ULK2: variants seen among roughly 807,000 people sequenced by gnomAD.
ULK2 encodes the protein serine/threonine-protein kinase ULK2.
ULK2 carries 76 observed loss-of-function variants against 127.5 expected under a neutral mutation model. The observed-to-expected ratio is 0.60, with a 90% CI of 0.50 to 0.72. The LOEUF (loss-of-function observed/expected upper bound fraction) is 0.72. Among genes scored for constraint, ULK2 ranks in the 30% least tolerant of loss-of-function variants. ULK2 has a pLI of 0.00. For synonymous variants in ULK2, 452 were observed against 461.9 expected, an observed-to-expected ratio of 0.98 and a Z score of 0.28; for missense variants, 1,144 against 1,295.9, an observed-to-expected ratio of 0.88 and a Z score of 1.80.
At chr17:19,817,028 G>A (rs555566915) in intron 12 of ULK2, 108 bp from the exon 13 acceptor site, 6 of 955,604 alleles carry the variant, frequency 6.3e-6, no homozygotes, top group Middle Eastern at 3.0e-4. Context: ...TGGGCATGAA[G>A]TCCAATTCCA....
chr17:19,816,925 A>C lies in ULK2; in HGVS notation c.925-5T>G. 4 of 1,594,430 alleles carry C rather than the reference A, an allele frequency of 2.5e-6. No homozygotes were observed. Among genetic ancestry groups the C allele is most frequent in the Non-Finnish European group, 3.4e-6 (4 of 1,174,252 alleles). The stretch of plus-strand genomic sequence containing the variant: ...ATGCTGCATATCTGGAAGGGACTAA[A>C]ATTAACAACATAAAATTAAAACTGG... On this transcript the variant is annotated splice_region_variant and splice_polypyrimidine_tract_variant and intron_variant, in intron 12 of 26. Transcript: ENST00000395544.
chr17:19,829,245 G>A lies in ULK2; in HGVS notation c.788-3059C>T, dbSNP rs764512118. Among the ~76,000 whole-genome samples, 6 of 152,042 alleles carry A rather than the reference G, an allele frequency of 3.9e-5. No homozygotes were observed. In the South Asian group the frequency reaches 6.2e-4, roughly 16 times the overall value. On this transcript the variant is annotated intron_variant, in intron 10 of 26. Transcript: ENST00000395544. ...AACTGTTATAAAAGACAAAAAGTACGTTAAATAAGGCCAAGTACACTGGCT... is the reference window on the plus strand; with the variant it reads ...AACTGTTATAAAAGACAAAAAGTACATTAAATAAGGCCAAGTACACTGGCT...
At chr17:19,783,987 CT>C in intron 21 of ULK2, 82 bp from the exon 22 acceptor site, 1 of 1,231,804 alleles carries the variant, frequency 8.1e-7, no homozygotes, top group Non-Finnish European at 1.0e-6. Flanking sequence ...CTAAACAAAC[CT>C]GCTGAGGTGA....
intron 12 of ULK2, among the ~76,000 whole-genome samples, chr17:19,822,462 A>G (rs763676961): frequency 6.6e-6 from 1 of 151,072 alleles, no homozygotes; most frequent in Non-Finnish European, 1.5e-5. Flanking sequence ...CCTGGGTTCA[A>G]GTGATTCTAC....
At chr17:19,862,024 C>T (rs1040940038) in intron 3 of ULK2, among the ~76,000 whole-genome samples, 2 of 152,000 alleles carry the variant, frequency 1.3e-5, no homozygotes, top group Non-Finnish European at 2.9e-5. Flanking sequence ...GTTAAATAAT[C>T]AAAAATATGT....
intron 10 of ULK2, among the ~76,000 whole-genome samples, chr17:19,834,512 A>C (rs1233351294): frequency 6.6e-6 from 1 of 152,054 alleles, no homozygotes; most frequent in Non-Finnish European, 1.5e-5. Context: ...CCAAACAAAA[A>C]AGAGATACAA....
intron 3 of ULK2, among the ~76,000 whole-genome samples, chr17:19,856,848 G>A (rs2042140864): frequency 1.3e-5 from 2 of 150,850 alleles, no homozygotes; most frequent in African/African-American, 4.9e-5. Flanking sequence ...ATGGTGGTAG[G>A]CGCCTGTAGT....
At chr17:19,835,341 A>G (rs2041566304) in intron 10 of ULK2, among the ~76,000 whole-genome samples, 1 of 150,732 alleles carries the variant, frequency 6.6e-6, no homozygotes, top group Non-Finnish European at 1.5e-5. Context: ...CAGCCTCCCA[A>G]AGTGCTGGGC....
intron 15 of ULK2, among the ~76,000 whole-genome samples, chr17:19,803,921 A>T (rs1418601630): frequency 6.6e-6 from 1 of 152,170 alleles, no homozygotes; most frequent in Non-Finnish European, 1.5e-5. Context: ...GTGCTCTGAG[A>T]TTTAGGTCTC....
chr17:19,777,297 G>T (rs1164650818), intron 26 of ULK2, among the ~76,000 whole-genome samples: 1 of 152,180 alleles, frequency 6.6e-6, no homozygotes, highest in Non-Finnish European at 1.5e-5. Flanking sequence ...TAAAGACGGG[G>T]TTTCGCTATG....
intron 24 of ULK2, 50 bp downstream of exon 24, chr17:19,780,936 G>C (rs2086904867): frequency 2.6e-6 from 4 of 1,533,906 alleles, no homozygotes; most frequent in South Asian, 1.1e-5. Context: ...TGATGGGAAA[G>C]AGCAACTTAA....
At chr17:19,798,468 A>C (rs751585810) in intron 17 of ULK2, among the ~76,000 whole-genome samples, 19 of 152,206 alleles carry the variant, frequency 1.2e-4, no homozygotes, top group Non-Finnish European at 1.8e-4. Flanking sequence ...CTTAGAAGCC[A>C]AACTAGCAAG....
rs567738920 is a variant in ULK2 at position 19,867,494 on chromosome 17, G to C, written c.-77C>G. 4 of 1,158,640 alleles carry C rather than the reference G, an allele frequency of 3.5e-6. No homozygotes were observed. Among genetic ancestry groups the C allele is most frequent in the Non-Finnish European group, 4.6e-6 (4 of 877,770 alleles). 71.8% of individuals were successfully genotyped at this position (1,158,640 alleles called of 1,614,324 possible). A position where few individuals can be genotyped will look rare whatever the true frequency, so the allele number is the denominator to read the frequency against. ...AGGTATCAGCACCGCGGCTCCGCGGGCCCGGAGCGCGCCAGCGTGCGGCGG... is the reference window on the plus strand; with the variant it reads ...AGGTATCAGCACCGCGGCTCCGCGGCCCCGGAGCGCGCCAGCGTGCGGCGG... On this transcript the variant is annotated 5_prime_UTR_variant, in exon 1 of 27. Coordinates refer to ENST00000395544, the MANE Select transcript of ULK2 (RefSeq NM_014683.4).
At chr17:19,798,382 TC>T (rs970397022) in intron 17 of ULK2, among the ~76,000 whole-genome samples, 1 of 152,254 alleles carries the variant, frequency 6.6e-6, no homozygotes, top group African/African-American at 2.4e-5. Flanking sequence ...GATCCCTGTT[TC>T]CCCCCTACAA....
chr17:19,867,450 G>C lies in ULK2; in HGVS notation c.-33C>G, dbSNP rs557926196. On this transcript the variant is annotated 5_prime_UTR_variant, in exon 1 of 27. Transcript: ENST00000395544. Reference sequence around the variant, plus strand: ...CCCCCGGGGCACACAGCGGACGGGCGGGCGGCGCAGTGCGGCGCAGGTATC... The same window carrying C: ...CCCCCGGGGCACACAGCGGACGGGCCGGCGGCGCAGTGCGGCGCAGGTATC... 3 of 1,569,960 alleles carry C rather than the reference G, an allele frequency of 1.9e-6. 1 individual carries two copies. Among genetic ancestry groups the C allele is most frequent in the Middle Eastern group, 3.4e-4 (2 of 5,910 alleles).
chr17:19,799,370 A>G, intron 17 of ULK2, 125 bp downstream of exon 17: 1 of 805,462 alleles, frequency 1.2e-6, no homozygotes, highest in Non-Finnish European at 1.8e-6. Flanking sequence ...CCAAGATTCT[A>G]AAAATCAGGA....
intron 10 of ULK2, among the ~76,000 whole-genome samples, chr17:19,829,764 A>G (rs959809649): frequency 2.2e-4 from 31 of 142,552 alleles, no homozygotes; most frequent in African/African-American, 7.7e-4. Flanking sequence ...TGAACCTAGG[A>G]GGCGGAGGTT....
intron 12 of ULK2, among the ~76,000 whole-genome samples, chr17:19,818,694 T>C (rs1211215361): frequency 6.6e-6 from 1 of 152,146 alleles, no homozygotes; most frequent in Non-Finnish European, 1.5e-5. Context: ...CCTTTTGTTA[T>C]GGCATTTTTT....
chr17:19,867,156 CACA>C (rs1478418523), intron 1 of ULK2, among the ~76,000 whole-genome samples, 169 bp downstream of exon 1: 2 of 152,110 alleles, frequency 1.3e-5, no homozygotes, highest in Non-Finnish European at 2.9e-5. Flanking sequence ...GCTTGGGCCT[CACA>C]ACAACCCTCA....
Sources: gnomAD v4.1 joint callset for allele counts (sites outside exome capture counted in the v4.1 genomes callset) on GRCh38, gnomAD v4.1.1 for gene constraint, MANE v1.5 for transcripts, NCBI Gene and HGNC (gene_info 2026-07-23, HGNC 2026-07-21) for gene names.